The following FAM110B variants were observed in gnomAD, a reference collection of about 807,000 sequenced individuals.
FAM110B encodes family with sequence similarity 110 member B.
FAM110B carries 6 observed loss-of-function variants against 20.4 expected under a neutral mutation model. The ratio of observed to expected loss-of-function variants is 0.29; its 90% CI spans 0.16 to 0.58. The LOEUF (loss-of-function observed/expected upper bound fraction) is 0.58. FAM110B is among the 20% of genes least tolerant of loss of function. FAM110B has a pLI of 0.90. For missense variants in FAM110B, 434 were observed against 498.2 expected, an observed-to-expected ratio of 0.87 and a Z score of 1.23; for synonymous variants, 226 against 214.1, an observed-to-expected ratio of 1.06 and a Z score of -0.49.
chr8:58,006,363 A>C (rs1804400600), intron 1 of FAM110B, among the ~76,000 whole-genome samples: 1 of 152,214 alleles, frequency 6.6e-6, no homozygotes, highest in Non-Finnish European at 1.5e-5. Flanking sequence ...TTGAGACTAG[A>C]ATCAACTACA....
chr8:58,024,172 C>CTTTTTTTTTT (rs10651271), intron 1 of FAM110B, among the ~76,000 whole-genome samples: 5 of 129,536 alleles, frequency 3.9e-5, no homozygotes, highest in African/African-American at 8.6e-5. Flanking sequence ...TTTCACTGTG[C>CTTTTTTTTTT]TTTTTTTTTT....
chr8:58,030,106 A>G (rs1427541986), intron 1 of FAM110B, among the ~76,000 whole-genome samples: 1 of 152,246 alleles, frequency 6.6e-6, no homozygotes, highest in Admixed American at 6.5e-5. Flanking sequence ...AATCAAATTA[A>G]TATGGGCCCA....
rs559013015 is a variant in FAM110B at position 58,129,862 on chromosome 8, T to C, written c.-324-16045T>C. ...CCCTCTTCTTTACTGTCTTTTTTTT[T>C]CTTAGATTTAATCTACTTATCAAAA... On this transcript the variant is annotated intron_variant, in intron 3 of 3. Transcript: ENST00000519262. Among the ~76,000 whole-genome samples, 6 of 152,366 alleles carry C rather than the reference T, an allele frequency of 3.9e-5. No individual in the cohort carries two copies. In the South Asian group the frequency reaches 6.2e-4, roughly 16 times the overall value.
intron 1 of FAM110B, among the ~76,000 whole-genome samples, chr8:58,008,941 C>G (rs1804471008): frequency 6.6e-6 from 1 of 152,202 alleles, no homozygotes; most frequent in Non-Finnish European, 1.5e-5. Flanking sequence ...TGTCTGGCTC[C>G]TCTCTATTTC....
intron 1 of FAM110B, among the ~76,000 whole-genome samples, chr8:58,030,616 T>C (rs768603568): frequency 6.6e-6 from 1 of 152,188 alleles, no homozygotes; most frequent in Non-Finnish European, 1.5e-5. Flanking sequence ...TTAAAATATT[T>C]TTCTCTTGGT....
At chr8:58,009,227 G>A (rs1229836721) in intron 1 of FAM110B, among the ~76,000 whole-genome samples, 2 of 152,202 alleles carry the variant, frequency 1.3e-5, no homozygotes, top group Non-Finnish European at 2.9e-5. Flanking sequence ...TGGAGATTTA[G>A]GTAGATTATA....
intron 3 of FAM110B, among the ~76,000 whole-genome samples, chr8:58,117,485 G>A (rs1807243531): frequency 6.6e-6 from 1 of 152,156 alleles, no homozygotes; most frequent in Non-Finnish European, 1.5e-5. Flanking sequence ...TGGCCACATG[G>A]TAGTCATGAG....
intron 3 of FAM110B, among the ~76,000 whole-genome samples, chr8:58,132,925 G>A (rs1042871797): frequency 2.0e-5 from 3 of 152,050 alleles, no homozygotes; most frequent in African/African-American, 4.8e-5. Context: ...TTTCACTTTG[G>A]GGAGTTATTT....
At chr8:58,079,782 TA>T (rs34849809) in intron 3 of FAM110B, among the ~76,000 whole-genome samples, 7,481 of 146,422 alleles carry the variant, frequency 0.051, 610 homozygotes, top group African/African-American at 0.17. Context: ...ACCCTATCTT[TA>T]AAAAAAAAAA....
chr8:58,030,625 G>T (rs1416362311), intron 1 of FAM110B, among the ~76,000 whole-genome samples: 1 of 152,042 alleles, frequency 6.6e-6, no homozygotes, highest in South Asian at 2.1e-4. Flanking sequence ...TTTTCTCTTG[G>T]TTCCTCCTAT....
At chr8:58,052,390 A>C (rs1440747050) in intron 2 of FAM110B, among the ~76,000 whole-genome samples, 1 of 152,228 alleles carries the variant, frequency 6.6e-6, no homozygotes, top group Non-Finnish European at 1.5e-5. Flanking sequence ...ATGTTTTAAA[A>C]GTAAACCTAC....
intron 1 of FAM110B, among the ~76,000 whole-genome samples, chr8:58,002,032 G>GA (rs1804308235): frequency 6.6e-6 from 1 of 151,974 alleles, no homozygotes; most frequent in Admixed American, 6.6e-5. Context: ...GAGAGAGAGA[G>GA]AAAGAGAGAG....
Position 58,146,297 on chromosome 8 carries a change from T to C in FAM110B, c.67T>C (p.Ser23Pro). 1 of 1,613,838 alleles carries C rather than the reference T, an allele frequency of 6.2e-7. No homozygotes were observed. Among genetic ancestry groups the C allele is most frequent in the Non-Finnish European group, 8.5e-7 (1 of 1,179,952 alleles). The change falls in exon 4 of 4, where the codon TCT becomes CCT. Residue 23 changes from serine (S) to proline (P), a missense_variant. Around this residue, in one of 3 missense-constraint regions of FAM110B, gnomAD observed 56 missense variants for 82.1 expected, o/e 0.68. Transcript: ENST00000519262. Reference sequence around the variant, plus strand: ...GGTCAGCCCCGCGGGCACCTTCACCTCTGCTGTGCCCCTGCGCATCCTGAA... The same window carrying C: ...GGTCAGCCCCGCGGGCACCTTCACCCCTGCTGTGCCCCTGCGCATCCTGAA... ...KPVSPAGTFT[S>P]AVPLRILNKG...
Position 58,083,295 on chromosome 8 carries a change from G to T in FAM110B, c.-325+7672G>T, listed in dbSNP as rs368532302. On this transcript the variant is annotated intron_variant, in intron 3 of 3. Coordinates refer to ENST00000519262, the MANE Select transcript of FAM110B (RefSeq NM_001377989.1). ...AGAGGAGAAGAAACAGAAGAAACTG[G>T]GTTATTTATGTTTAGTTGTAGTTGA... Among the ~76,000 whole-genome samples, 9 of 152,198 alleles carry T rather than the reference G, an allele frequency of 5.9e-5. No individual in the cohort carries two copies. The East Asian group carries it at 7.7e-4, about 13-fold the overall frequency.
chr8:58,074,218 G>GTTTGTT, intron 2 of FAM110B, among the ~76,000 whole-genome samples: 1 of 152,226 alleles, frequency 6.6e-6, no homozygotes, highest in African/African-American at 2.4e-5. Context: ...TCTAACTCTG[G>GTTTGTT]TTTGTTTTTT....
chr8:58,141,323 C>T (rs939536965), intron 3 of FAM110B, among the ~76,000 whole-genome samples: 4 of 152,190 alleles, frequency 2.6e-5, no homozygotes, highest in Non-Finnish European at 5.9e-5. Context: ...TTAATAACTT[C>T]AAAGGTAAAT....
intron 1 of FAM110B, among the ~76,000 whole-genome samples, chr8:57,998,066 T>C (rs1311829988): frequency 6.6e-6 from 1 of 152,240 alleles, no homozygotes; most frequent in Admixed American, 6.5e-5. Context: ...TCAGGTTTGA[T>C]GTCAACAAAT....
At chr8:58,010,954 G>A (rs1804521991) in intron 1 of FAM110B, among the ~76,000 whole-genome samples, 2 of 152,206 alleles carry the variant, frequency 1.3e-5, no homozygotes, top group Admixed American at 1.3e-4. Context: ...TTTGGGAGGT[G>A]TACTGGGCCC....
Position 58,135,877 on chromosome 8 carries a change from G to T in FAM110B, c.-324-10030G>T. On this transcript the variant is annotated intron_variant, in intron 3 of 3. Transcript: ENST00000519262. ...CTCACAGCACAAAGACTTATAAACT[G>T]CAGGAGTTACTACCAGAGTTTATAA... Among the ~76,000 whole-genome samples, 2 of 152,048 alleles carry T rather than the reference G, an allele frequency of 1.3e-5. 1 individual carries two copies. The highest frequency in any genetic ancestry group is 4.1e-4 in the South Asian group (2 of 4,824).
Sources: gnomAD v4.1 joint callset for allele counts (sites outside exome capture counted in the v4.1 genomes callset) on GRCh38, gnomAD v4.1.1 for gene constraint, gnomAD v4.1.1 regional missense constraint, MANE v1.5 for transcripts, NCBI Gene and HGNC (gene_info 2026-07-23, HGNC 2026-07-21) for gene names.